THSD7B: variants seen among roughly 807,000 people sequenced by gnomAD.
THSD7B encodes the protein thrombospondin type 1 domain containing 7B.
THSD7B carries 138 observed loss-of-function variants against 213.6 expected under a neutral mutation model. The ratio of observed to expected loss-of-function variants is 0.65; its 90% CI spans 0.56 to 0.74. The LOEUF is 0.74. Among genes scored for constraint, THSD7B ranks in the 30% least tolerant of loss-of-function variants. The pLI is 0.00. For missense variants in THSD7B, 1,931 were observed against 1,991.5 expected (o/e 0.97, Z 0.58); for synonymous variants, 742 against 687.0 (o/e 1.08, Z -1.25).
intron 3 of THSD7B, among the ~76,000 whole-genome samples, chr2:137,067,650 G>C (rs1687406105): frequency 6.6e-6 from 1 of 151,982 alleles, no homozygotes; most frequent in African/African-American, 2.4e-5. Context: ...ATTCTTCTCA[G>C]TCTCTTCCTA....
chr2:137,388,763 C>T (rs1176373086), intron 12 of THSD7B, among the ~76,000 whole-genome samples: 1 of 152,066 alleles, frequency 6.6e-6, no homozygotes, highest in Non-Finnish European at 1.5e-5. Context: ...TAAGAAAATG[C>T]ATTATTTGTC....
chr2:136,802,348 G>A (rs1218340109), intron 1 of THSD7B, among the ~76,000 whole-genome samples: 3 of 151,724 alleles, frequency 2.0e-5, no homozygotes, highest in Non-Finnish European at 1.5e-5. Flanking sequence ...GTACAGTGAA[G>A]GCAAAGAGGA....
chr2:136,825,718 A>ATTTTTTTTTTTTTTGTTTTTTTTTTTTTT (rs759978910), intron 1 of THSD7B, among the ~76,000 whole-genome samples: 1 of 116,896 alleles, frequency 8.6e-6, no homozygotes. Context: ...TGCCTGGCTA[A>ATTTTTTTTTTTTTTGTTTTTTTTTTTTTT]TTTTTTTTTT....
chr2:137,072,895 C>T (rs1019328914), intron 3 of THSD7B, among the ~76,000 whole-genome samples: 4 of 152,078 alleles, frequency 2.6e-5, no homozygotes, highest in African/African-American at 7.2e-5. Flanking sequence ...TGTTTATATG[C>T]TGGATAACAT....
rs35967280 is a variant in THSD7B, at chr2:136,912,383, A to G, written c.139+30066A>G. Among the ~76,000 whole-genome samples the G allele has an allele frequency of 7.4e-5, 11 of 148,262 alleles. No individual in the cohort carries two copies. The East Asian group carries it at 2.1e-3, about 29-fold the overall frequency. ...AACTTAAAAGGTTTAACACAGTGGT[A>G]TGTGTGCGAGACTCCCTCTCAAAAA... On this transcript the variant is annotated intron_variant, in intron 2 of 27. Coordinates refer to ENST00000409968, the MANE Select transcript of THSD7B (RefSeq NM_001316349.2).
chr2:137,356,617 G>A (rs1685134165), intron 12 of THSD7B, among the ~76,000 whole-genome samples: 1 of 152,154 alleles, frequency 6.6e-6, no homozygotes. Context: ...TAGATGTGGT[G>A]AAGTCTTGCC....
intron 12 of THSD7B, among the ~76,000 whole-genome samples, chr2:137,360,480 C>G (rs1280776114): frequency 6.6e-6 from 1 of 152,172 alleles, no homozygotes; most frequent in Non-Finnish European, 1.5e-5. Flanking sequence ...CCATGACAGA[C>G]TGTACCAGGA....
intron 2 of THSD7B, among the ~76,000 whole-genome samples, chr2:136,987,997 A>T (rs1201043464): frequency 1.3e-5 from 2 of 152,246 alleles, no homozygotes; most frequent in Admixed American, 1.3e-4. Context: ...TATTTTTAAC[A>T]AAACCTTTAT....
At chr2:137,646,988 G>A (rs926271039) in intron 21 of THSD7B, among the ~76,000 whole-genome samples, 5 of 152,040 alleles carry the variant, frequency 3.3e-5, no homozygotes, top group African/African-American at 1.2e-4. Context: ...TCTATGTTAA[G>A]AAGCTTTATG....
chr2:137,070,832 G>A (rs1198811534), intron 3 of THSD7B, among the ~76,000 whole-genome samples: 24 of 151,918 alleles, frequency 1.6e-4, no homozygotes, highest in Admixed American at 1.4e-3. Flanking sequence ...TTGTCCTTGC[G>A]ATAGTTTGCT....
intron 5 of THSD7B, among the ~76,000 whole-genome samples, chr2:137,126,126 G>A (rs1232613297): frequency 6.6e-6 from 1 of 152,158 alleles, no homozygotes; most frequent in African/African-American, 2.4e-5. Flanking sequence ...AATGGGCACT[G>A]ACTTCAACTT....
intron 2 of THSD7B, among the ~76,000 whole-genome samples, chr2:136,934,530 G>A (rs1028545489): frequency 1.3e-5 from 2 of 151,964 alleles, no homozygotes; most frequent in African/African-American, 4.8e-5. Context: ...ACAAATTATT[G>A]GCAAATGAAT....
chr2:137,022,147 A>G (rs1330018823), intron 2 of THSD7B, among the ~76,000 whole-genome samples: 1 of 152,178 alleles, frequency 6.6e-6, no homozygotes, highest in African/African-American at 2.4e-5. Flanking sequence ...AACTATAGTG[A>G]ACATATGTGT....
chr2:137,031,839 T>TTA (rs1284202667), intron 2 of THSD7B, among the ~76,000 whole-genome samples: 41 of 151,524 alleles, frequency 2.7e-4, no homozygotes, highest in African/African-American at 8.4e-4. Context: ...TCCTTTTTTT[T>TTA]TTTTTTTTAG....
At chr2:137,531,804 G>A (rs545924611) in intron 15 of THSD7B, among the ~76,000 whole-genome samples, 1 of 152,028 alleles carries the variant, frequency 6.6e-6, no homozygotes, top group Admixed American at 6.6e-5. Context: ...AGTATCTAAT[G>A]CTTAATTAAG....
At chr2:137,563,586 T>G (rs1349432098) in intron 16 of THSD7B, among the ~76,000 whole-genome samples, 2 of 152,146 alleles carry the variant, frequency 1.3e-5, no homozygotes, top group African/African-American at 2.4e-5. Flanking sequence ...GCAAATGACA[T>G]TGGTGCGAGA....
chr2:137,676,769 C>T lies in THSD7B; in HGVS notation c.*164C>T. 1 of 571,676 alleles carries T rather than the reference C, an allele frequency of 1.7e-6. No individual in the cohort carries two copies. Among genetic ancestry groups the T allele is most frequent in the Non-Finnish European group, 2.8e-6 (1 of 362,878 alleles). The allele number at this position is 571,676 out of a possible 1,614,324, so 35.4% of individuals were successfully genotyped here. ...CCTCAACTTCATTTGGACATGGAGT[C>T]AAGGATTATTAGGTCTGCCATTTTG... On this transcript the variant is annotated 3_prime_UTR_variant, in exon 28 of 28. Transcript: ENST00000409968.
chr2:137,264,319 T>A (rs1479251410), intron 10 of THSD7B, among the ~76,000 whole-genome samples: 2 of 151,808 alleles, frequency 1.3e-5, no homozygotes, highest in Non-Finnish European at 2.9e-5. Context: ...GTGGCGCAAT[T>A]TCAGCTCACG....
At chr2:137,223,018 A>G (rs1190145119) in intron 7 of THSD7B, among the ~76,000 whole-genome samples, 2 of 152,198 alleles carry the variant, frequency 1.3e-5, no homozygotes, top group Non-Finnish European at 2.9e-5. Context: ...GAAAGCAGAG[A>G]AAATGGTTCC....
Sources: gnomAD v4.1 joint callset for allele counts (sites outside exome capture counted in the v4.1 genomes callset) on GRCh38, gnomAD v4.1.1 for gene constraint, MANE v1.5 for transcripts, NCBI Gene and HGNC (gene_info 2026-07-23, HGNC 2026-07-21) for gene names.